Variants in ERCC4 observed in about 807,000 individuals in gnomAD.
ERCC4 encodes the protein ERCC excision repair 4, endonuclease catalytic subunit, also known as DNA repair endonuclease XPF.
ERCC4 carries 65 observed loss-of-function variants against 76.9 expected under a neutral mutation model. That is an observed-to-expected ratio of 0.84 (90% CI 0.69 to 1.04). ERCC4 has a LOEUF of 1.04. Among genes scored for constraint, ERCC4 ranks in the 50% least tolerant of loss-of-function variants. ERCC4 has a pLI of 0.00. For missense variants in ERCC4, 1,214 were observed against 1,128.2 expected (o/e 1.08, Z -1.09); for synonymous variants, 463 against 410.1 (o/e 1.13, Z -1.56).
rs2032109177 is a variant in ERCC4, at chr16:13,928,309, AT to A, written c.792+75del. 1.9e-5 allele frequency: 20 copies of A among 1,065,488 alleles called. No homozygotes were observed. In the South Asian group the frequency reaches 2.6e-4, roughly 14 times the overall value. The allele number at this position is 1,065,488 out of a possible 1,614,324, so 66.0% of individuals were successfully genotyped here. On this transcript the variant is annotated intron_variant, in intron 4 of 10. Coordinates refer to ENST00000311895, the MANE Select transcript of ERCC4 (RefSeq NM_005236.3). ...AATGCAAGTTATTTTAATATTTGCAATGTTGTTAATAGGAATTTGCTGTTAT... is the reference window on the plus strand; with the variant it reads ...AATGCAAGTTATTTTAATATTTGCAAGTTGTTAATAGGAATTTGCTGTTAT...
At chr16:13,944,873 C>T (rs755492750) in intron 10 of ERCC4, 38 bp downstream of exon 10, 1 of 1,277,216 alleles carries the variant, frequency 7.8e-7, no homozygotes, top group Non-Finnish European at 1.1e-6. Context: ...CCATTGCCTG[C>T]AAAGGGGGCT....
At chr16:13,941,170 G>T (rs2032406038) in intron 9 of ERCC4, among the ~76,000 whole-genome samples, 1 of 152,140 alleles carries the variant, frequency 6.6e-6, no homozygotes, top group South Asian at 2.1e-4. Context: ...GCAGAACCTG[G>T]ATCATGGACT....
intron 2 of ERCC4, among the ~76,000 whole-genome samples, chr16:13,924,677 C>T (rs1201017401): frequency 2.6e-5 from 4 of 152,116 alleles, no homozygotes; most frequent in Non-Finnish European, 4.4e-5. Context: ...CTTACTCACC[C>T]GTACATTGGT....
chr16:13,934,413 C>T, intron 7 of ERCC4, 111 bp downstream of exon 7: 2 of 764,206 alleles, frequency 2.6e-6, no homozygotes, highest in Non-Finnish European at 4.7e-6. Context: ...ATGGTGAAAC[C>T]CTGTCTCTAT....
chr16:13,947,991 C>T lies in ERCC4; in HGVS notation c.2395C>T (p.Arg799Trp), dbSNP rs121913049. The T allele has an allele frequency of 6.3e-4, 1,015 of 1,614,148 alleles. 1 individual carries two copies. Among genetic ancestry groups the T allele is most frequent in the Non-Finnish European group, 7.5e-4 (884 of 1,180,032 alleles). Residue 799 changes from arginine to tryptophan, a missense_variant, in exon 11 of 11, where the codon CGG (arginine) becomes TGG (tryptophan). Arg to Trp is a moderately radical substitution (Grantham distance 101). Coordinates refer to ENST00000311895, the MANE Select transcript of ERCC4 (RefSeq NM_005236.3). ...TCTTACACTTCACTTCCCCAGACTA[C>T]GGATTCTCTGGTGCCCCTCTCCTCA... ...TLLTLHFPRL[R>W]ILWCPSPHAT...
chr16:13,933,536 C>G (rs1454768153), intron 6 of ERCC4: 1 of 152,470 alleles, frequency 6.6e-6, no homozygotes, highest in Non-Finnish European at 1.5e-5. Flanking sequence ...TGGTGAAATC[C>G]TCTCTCTACT....
chr16:13,923,792 G>T (rs1013490739), intron 2 of ERCC4, among the ~76,000 whole-genome samples: 7 of 152,156 alleles, frequency 4.6e-5, no homozygotes, highest in African/African-American at 1.7e-4. Context: ...CAGAAATCTT[G>T]ATACACCAGT....
At chr16:13,943,114 C>A (rs1053286176) in intron 9 of ERCC4, among the ~76,000 whole-genome samples, 7 of 152,032 alleles carry the variant, frequency 4.6e-5, no homozygotes, top group African/African-American at 1.7e-4. Flanking sequence ...TAGGTTGTTT[C>A]AAATAGTATA....
chr16:13,943,234 C>G (rs543148173), intron 9 of ERCC4, among the ~76,000 whole-genome samples: 16 of 152,294 alleles, frequency 1.1e-4, no homozygotes, highest in African/African-American at 3.8e-4. Flanking sequence ...TTCATTTCCT[C>G]TAATGGGTGT....
intron 1 of ERCC4, 108 bp downstream of exon 1, chr16:13,920,480 G>C: frequency 1.0e-6 from 1 of 1,003,292 alleles, no homozygotes; most frequent in Non-Finnish European, 1.5e-6. Flanking sequence ...GGGGATTCAG[G>C]CCCCTGACAC....
In ERCC4 at chr16:13,950,262, A is replaced by G. The variant is rs910231660; in HGVS notation, c.*1915A>G. 5.2e-6 allele frequency: 1 copy of G among 190,814 alleles called. No individual in the cohort carries two copies. 11.8% of individuals were successfully genotyped at this position (190,814 alleles called of 1,614,324 possible). Reference sequence around the variant, plus strand: ...AGGCGTGAGCCACCGCACCCACCCAACAAAATTATTTTTAACTGTCGTTTC... The same window carrying G: ...AGGCGTGAGCCACCGCACCCACCCAGCAAAATTATTTTTAACTGTCGTTTC... On this transcript the variant is annotated 3_prime_UTR_variant, in exon 11 of 11. Transcript: ENST00000311895.
At chr16:13,926,510 A>G (rs1197679052) in intron 2 of ERCC4, 51 bp from the exon 3 acceptor site, 2 of 1,488,466 alleles carry the variant, frequency 1.3e-6, no homozygotes, top group Admixed American at 1.7e-5. Flanking sequence ...TGATGAATGA[A>G]TGGCAATTAC....
At chr16:13,945,923 T>A (rs2032504586) in intron 10 of ERCC4, among the ~76,000 whole-genome samples, 1 of 152,220 alleles carries the variant, frequency 6.6e-6, no homozygotes, top group South Asian at 2.1e-4. Flanking sequence ...ACTTAGTGGC[T>A]CAAAACAGCA....
At position 13,922,058 on chromosome 16, in the gene ERCC4, G is replaced by T; in HGVS notation, c.235G>T (p.Glu79Ter). The part of the protein sequence containing the change: ...EEYFINQLKI[E>*]GVEHLPRRVT... Reference sequence around the variant, plus strand: ...GTATTTTATCAATCAGCTGAAGATAGAAGGAGTTGAACACCTCCCTCGCCG... The same window carrying T: ...GTATTTTATCAATCAGCTGAAGATATAAGGAGTTGAACACCTCCCTCGCCG... Residue 79 changes from glutamate (E) to a stop codon, truncating the protein, a stop_gained, in exon 2 of 11, where the codon GAA (glutamate) becomes TAA (stop). Transcript: ENST00000311895. LOFTEE classifies it high-confidence loss of function. 6.2e-7 allele frequency: 1 copy of T among 1,613,724 alleles called. No individual in the cohort carries two copies. The highest frequency in any genetic ancestry group is 8.5e-7 in the Non-Finnish European group (1 of 1,179,690).
rs900080970 is a variant in ERCC4, at chr16:13,931,114, C to G, written c.973+224C>G. The G allele has an allele frequency of 1.5e-5, 8 of 537,632 alleles. No individual in the cohort carries two copies. In the East Asian group the frequency reaches 2.2e-4, roughly 15 times the overall value. 33.3% of individuals were successfully genotyped at this position (537,632 alleles called of 1,614,324 possible). ...TAATAATAAATATTCATATCCGTTC[C>G]GGGCAATTTTATTTCTAGAAAAGAC... On this transcript the variant is annotated intron_variant, in intron 5 of 10. Coordinates refer to ENST00000311895, the MANE Select transcript of ERCC4 (RefSeq NM_005236.3).
At chr16:13,947,580 T>C (rs2032538176) in intron 10 of ERCC4, 34 bp from the exon 11 acceptor site, 3 of 1,612,592 alleles carry the variant, frequency 1.9e-6, no homozygotes, top group Non-Finnish European at 2.5e-6. Context: ...TTGAGAGTTC[T>C]TCCCCAGTGA....
Position 13,935,549 on chromosome 16 carries a change from A to G in ERCC4, c.1617A>G (p.Ser539=). The G allele has an allele frequency of 6.2e-7, 1 of 1,614,230 alleles. No homozygotes were observed. The highest frequency in any genetic ancestry group is 8.5e-7 in the Non-Finnish European group (1 of 1,180,026). ...ATGAAGAATTTGATGTAAATTTGTC[A>G]TCGGATGCTGCTTTCGGAATCCTGA... ...IKHEEFDVNL[S]SDAAFGILKE... Residue 539 remains serine (S), a synonymous_variant, in exon 8 of 11, where the codon TCA becomes TCG. Transcript: ENST00000311895.
chr16:13,948,608 A>G lies in ERCC4; in HGVS notation c.*261A>G. On this transcript the variant is annotated 3_prime_UTR_variant, in exon 11 of 11. Transcript: ENST00000311895. Reference sequence around the variant, plus strand: ...TTCTTTTTAAATGAGGTTTGTCAGGATCAGGTAAAGTTCCTACAAGTGATT... The same window carrying G: ...TTCTTTTTAAATGAGGTTTGTCAGGGTCAGGTAAAGTTCCTACAAGTGATT... The G allele has an allele frequency of 2.1e-6, 1 of 487,570 alleles. No homozygotes were observed. Among genetic ancestry groups the G allele is most frequent in the East Asian group, 3.6e-5 (1 of 27,472 alleles). 30.2% of individuals were successfully genotyped at this position (487,570 alleles called of 1,614,324 possible).
rs537670308 is a variant in ERCC4, at chr16:13,920,331, G to T, written c.166G>T (p.Ala56Ser). 6 of 1,598,556 alleles carry T rather than the reference G, an allele frequency of 3.8e-6. No individual in the cohort carries two copies. In the South Asian group the frequency reaches 5.5e-5, roughly 15 times the overall value. ...YHFLQLHCHPACLVLVLNTQP... is the reference protein window; with the variant it reads ...YHFLQLHCHPSCLVLVLNTQP... ...CTTTCTCCAGCTGCACTGCCACCCAGCCTGCCTGGTGCTGGTGCTCAACAC... is the reference window on the plus strand; with the variant it reads ...CTTTCTCCAGCTGCACTGCCACCCATCCTGCCTGGTGCTGGTGCTCAACAC... The change falls in exon 1 of 11, where the codon GCC (alanine) becomes TCC (serine). Residue 56 changes from alanine (A) to serine (S), a missense_variant. Transcript: ENST00000311895.
Sources: gnomAD v4.1 joint callset for allele counts (sites outside exome capture counted in the v4.1 genomes callset) on GRCh38, gnomAD v4.1.1 for gene constraint, MANE v1.5 for transcripts, NCBI Gene and HGNC (gene_info 2026-07-23, HGNC 2026-07-21) for gene names.